CSRNP3: variants seen among roughly 807,000 people sequenced by gnomAD.
CSRNP3 encodes the protein cysteine and serine rich nuclear protein 3.
CSRNP3 carries 12 observed loss-of-function variants against 48.0 expected under a neutral mutation model. The ratio of observed to expected loss-of-function variants is 0.25; its 90% CI spans 0.16 to 0.41. The LOEUF (loss-of-function observed/expected upper bound fraction) is 0.41. Among genes scored for constraint, CSRNP3 ranks in the 10% least tolerant of loss-of-function variants. The pLI is 1.00. For synonymous variants in CSRNP3, 263 were observed against 269.7 expected (o/e 0.98, Z 0.24); for missense variants, 580 against 724.4 (o/e 0.80, Z 2.29).
At chr2:165,600,535 T>A (rs1282843572) in intron 4 of CSRNP3, among the ~76,000 whole-genome samples, 2 of 152,198 alleles carry the variant, frequency 1.3e-5, no homozygotes, top group Non-Finnish European at 2.9e-5. Flanking sequence ...ATTGAACTAG[T>A]TTACAGTCCC....
At chr2:165,530,675 G>A (rs1684798488) in intron 3 of CSRNP3, among the ~76,000 whole-genome samples, 1 of 151,880 alleles carries the variant, frequency 6.6e-6, no homozygotes, top group South Asian at 2.1e-4. Flanking sequence ...AAATATAATA[G>A]TCCTATCTTT....
intron 3 of CSRNP3, among the ~76,000 whole-genome samples, chr2:165,535,404 G>A (rs1350701134): frequency 6.6e-6 from 1 of 151,380 alleles, no homozygotes; most frequent in African/African-American, 2.4e-5. Flanking sequence ...TCTGCTGCTA[G>A]GAAGAAAACC....
At chr2:165,642,667 A>T (rs192310593) in intron 4 of CSRNP3, among the ~76,000 whole-genome samples, 87 of 151,394 alleles carry the variant, frequency 5.7e-4, no homozygotes, top group African/African-American at 2.0e-3. Flanking sequence ...GGTTCAAGAG[A>T]TTCTCCTGCC....
intron 3 of CSRNP3, among the ~76,000 whole-genome samples, chr2:165,578,163 T>A (rs1685483411): frequency 6.6e-6 from 1 of 152,086 alleles, no homozygotes; most frequent in African/African-American, 2.4e-5. Context: ...TGGTGCCATA[T>A]ACTTCTTGCC....
chr2:165,644,863 G>A (rs1480329696), intron 4 of CSRNP3, among the ~76,000 whole-genome samples: 1 of 152,140 alleles, frequency 6.6e-6, no homozygotes, highest in African/African-American at 2.4e-5. Context: ...ACCATAAACT[G>A]GGTAACTTAT....
intron 3 of CSRNP3, among the ~76,000 whole-genome samples, chr2:165,524,046 C>A (rs1052279356): frequency 1.3e-5 from 2 of 152,060 alleles, no homozygotes; most frequent in African/African-American, 2.4e-5. Flanking sequence ...GGGACACACA[C>A]AAAAGCATAC....
intron 3 of CSRNP3, among the ~76,000 whole-genome samples, chr2:165,550,466 G>C (rs761579142): frequency 1.4e-4 from 22 of 152,172 alleles, no homozygotes; most frequent in Admixed American, 3.9e-4. Flanking sequence ...TTTAGAATTA[G>C]CTAAGAGTCA....
rs1687660419 is a variant in CSRNP3, at chr2:165,688,068, A to G, written c.*8315A>G. ...TAAAAAAAAAAAAAAGGCTAATGCTATAGAATGATCATGTAAAGAATGTTG... is the reference window on the plus strand; with the variant it reads ...TAAAAAAAAAAAAAAGGCTAATGCTGTAGAATGATCATGTAAAGAATGTTG... On this transcript the variant is annotated 3_prime_UTR_variant, in exon 7 of 7. Transcript: ENST00000651982. 6.6e-6 allele frequency: 1 copy of G among 150,830 alleles called. No individual in the cohort carries two copies. Among genetic ancestry groups the G allele is most frequent in the Non-Finnish European group, 1.5e-5 (1 of 67,822 alleles). The allele number at this position is 150,830 out of a possible 1,614,324, so 9.3% of individuals were successfully genotyped here.
chr2:165,543,125 T>C (rs554926179), intron 3 of CSRNP3, among the ~76,000 whole-genome samples: 1 of 152,244 alleles, frequency 6.6e-6, no homozygotes, highest in African/African-American at 2.4e-5. Context: ...CACACTTAAT[T>C]TGAGGCCTTG....
Position 165,676,458 on chromosome 2 carries a change from G to T in CSRNP3, c.555G>T (p.Leu185=). 6.2e-7 allele frequency: 1 copy of T among 1,614,172 alleles called. No homozygotes were observed. Among genetic ancestry groups the T allele is most frequent in the Admixed American group, 1.7e-5 (1 of 60,018 alleles). The change falls in exon 6 of 7, where the codon CTG becomes CTT. Residue 185 remains leucine (L), a synonymous_variant. Transcript: ENST00000651982. ...QPLPTKKRRA[L]LRASGVKKID... ...TGCCAACAAAAAAACGAAGAGCTCTGCTGCGTGCCTCTGGAGTGAAAAAGA... is the reference window on the plus strand; with the variant it reads ...TGCCAACAAAAAAACGAAGAGCTCTTCTGCGTGCCTCTGGAGTGAAAAAGA...
chr2:165,550,272 T>C (rs1685080461), intron 3 of CSRNP3, among the ~76,000 whole-genome samples: 1 of 152,192 alleles, frequency 6.6e-6, no homozygotes, highest in African/African-American at 2.4e-5. Context: ...AAATGTTACT[T>C]TGATATTGTA....
At chr2:165,653,972 C>CAAAAAAAAAAAAAAAAAAAAAAAAAA (rs71028497) in intron 4 of CSRNP3, among the ~76,000 whole-genome samples, 3 of 41,204 alleles carry the variant, frequency 7.3e-5, no homozygotes, top group African/African-American at 9.9e-5. Context: ...AGCTCTATCA[C>CAAAAAAAAAAAAAAAAAAAAAAAAAA]AAAAAAAAAA....
At chr2:165,507,715 C>T (rs1684447629) in intron 2 of CSRNP3, among the ~76,000 whole-genome samples, 1 of 152,144 alleles carries the variant, frequency 6.6e-6, no homozygotes, top group Non-Finnish European at 1.5e-5. Context: ...CTGTCTGCCA[C>T]AACATGCAAT....
At chr2:165,473,614 T>C (rs1429747779) in intron 1 of CSRNP3, among the ~76,000 whole-genome samples, 1 of 152,156 alleles carries the variant, frequency 6.6e-6, no homozygotes, top group Non-Finnish European at 1.5e-5. Flanking sequence ...CTTATACAGA[T>C]ATTAAAAGGG....
intron 3 of CSRNP3, among the ~76,000 whole-genome samples, chr2:165,551,363 C>A (rs1350313058): frequency 6.6e-6 from 1 of 152,148 alleles, no homozygotes; most frequent in African/African-American, 2.4e-5. Context: ...TTATTTTTCA[C>A]AAAATCTTTT....
chr2:165,625,463 TAAA>T (rs751804276), intron 4 of CSRNP3, among the ~76,000 whole-genome samples: 1 of 116,384 alleles, frequency 8.6e-6, no homozygotes, highest in African/African-American at 3.2e-5. Context: ...CTGTCTCTAA[TAAA>T]AAAAAAAAAA....
At position 165,676,548 on chromosome 2, in the gene CSRNP3, C is replaced by T. The variant is rs1229572838; in HGVS notation, c.645C>T (p.Asp215=). The T allele has an allele frequency of 6.2e-7, 1 of 1,614,180 alleles. No individual in the cohort carries two copies. Among genetic ancestry groups the T allele is most frequent in the Admixed American group, 1.7e-5 (1 of 60,028 alleles). The change falls in exon 6 of 7, where the codon GAC becomes GAT. Residue 215 remains aspartate (D), a synonymous_variant. Transcript: ENST00000651982. ...TCTCACGAGAGGACTGTGGCTGTGA[C>T]TGCCGAGTGTTCTGTGATCCAGACA... is the stretch of plus-strand genomic sequence containing the variant. ...IRLSREDCGC[D]CRVFCDPDTC...
chr2:165,633,800 CT>C (rs767375839), intron 4 of CSRNP3, among the ~76,000 whole-genome samples: 1 of 152,158 alleles, frequency 6.6e-6, no homozygotes, highest in Non-Finnish European at 1.5e-5. Context: ...ACAGAAGCTC[CT>C]CTGCAATCAT....
intron 2 of CSRNP3, among the ~76,000 whole-genome samples, chr2:165,504,875 A>G (rs1440847793): frequency 1.3e-5 from 2 of 152,156 alleles, no homozygotes; most frequent in East Asian, 3.9e-4. Context: ...ACCACACTGA[A>G]GACGTATTGC....
Sources: gnomAD v4.1 joint callset for allele counts (sites outside exome capture counted in the v4.1 genomes callset) on GRCh38, gnomAD v4.1.1 for gene constraint, MANE v1.5 for transcripts, NCBI Gene and HGNC (gene_info 2026-07-23, HGNC 2026-07-21) for gene names.